Variants in WDR75 observed in about 807,000 individuals in gnomAD.
The protein encoded by WDR75 is WD repeat domain 75.
WDR75 carries 52 observed loss-of-function variants against 106.1 expected under a neutral mutation model. The ratio of observed to expected loss-of-function variants is 0.49; its 90% CI spans 0.39 to 0.62. The LOEUF is 0.62. Among genes scored for constraint, WDR75 ranks in the 20% least tolerant of loss-of-function variants. The pLI is 0.00. For missense variants in WDR75, 905 were observed against 970.3 expected, an observed-to-expected ratio of 0.93 and a Z score of 0.89; for synonymous variants, 333 against 335.5, an observed-to-expected ratio of 0.99 and a Z score of 0.08.
Position 189,467,657 on chromosome 2 carries a change from A to G in WDR75, c.1628+9A>G. On this transcript the variant is annotated intron_variant, in intron 14 of 20. Coordinates refer to ENST00000314761, the MANE Select transcript of WDR75 (RefSeq NM_032168.3). ...CGAGCTGGGAAAATAAGGTAGGTAAATCTTCGGGAAGTATGTAGTACTATT... is the reference window on the plus strand; with the variant it reads ...CGAGCTGGGAAAATAAGGTAGGTAAGTCTTCGGGAAGTATGTAGTACTATT... 1.3e-6 allele frequency: 2 copies of G among 1,587,828 alleles called. No individual in the cohort carries two copies. Among genetic ancestry groups the G allele is most frequent in the Non-Finnish European group, 1.7e-6 (2 of 1,167,130 alleles).
intron 4 of WDR75, 68 bp from the exon 5 acceptor site, chr2:189,455,252 A>T: frequency 1.3e-6 from 2 of 1,545,826 alleles, no homozygotes; most frequent in South Asian, 1.2e-5. Context: ...AAAAAAAAAG[A>T]ATAAATTCCT....
chr2:189,461,085 CTACA>C (rs1280486138), intron 8 of WDR75, among the ~76,000 whole-genome samples: 1 of 152,196 alleles, frequency 6.6e-6, no homozygotes, highest in African/African-American at 2.4e-5. Context: ...TACATCACAA[CTACA>C]TACCTTTAGT....
chr2:189,470,363 C>G, intron 17 of WDR75, 118 bp downstream of exon 17: 1 of 1,173,962 alleles, frequency 8.5e-7, no homozygotes, highest in Non-Finnish European at 1.2e-6. Context: ...GGATTATTTC[C>G]CAAAAAATTG....
At chr2:189,460,638 G>C (rs1259473878) in intron 8 of WDR75, among the ~76,000 whole-genome samples, 1 of 133,264 alleles carries the variant, frequency 7.5e-6, no homozygotes, top group Non-Finnish European at 1.6e-5. Flanking sequence ...CTAAGTAGCT[G>C]GGACTACAGG....
chr2:189,462,723 G>A (rs1686921753), intron 9 of WDR75, 81 bp downstream of exon 9: 6 of 1,343,740 alleles, frequency 4.5e-6, no homozygotes, highest in Non-Finnish European at 6.1e-6. Flanking sequence ...AGAATAAAGA[G>A]ACCTAAAACT....
intron 11 of WDR75, 198 bp downstream of exon 11, chr2:189,464,159 A>T: frequency 1.7e-6 from 1 of 575,650 alleles, no homozygotes; most frequent in Non-Finnish European, 3.1e-6. Flanking sequence ...CATGTAAGCC[A>T]GTTGGCACTC....
chr2:189,454,737 A>T (rs997669116), intron 4 of WDR75, among the ~76,000 whole-genome samples: 11 of 151,852 alleles, frequency 7.2e-5, no homozygotes, highest in African/African-American at 2.7e-4. Context: ...GTTAGCCAGG[A>T]TGGTCTCGAT....
At chr2:189,466,320 C>A in intron 12 of WDR75, 105 bp from the exon 13 acceptor site, 1 of 1,227,416 alleles carries the variant, frequency 8.1e-7, no homozygotes, top group Non-Finnish European at 1.2e-6. Context: ...TTATCAGTTG[C>A]CTGTTGTTCA....
rs149271440 is a variant in WDR75, at chr2:189,466,865, A to C, written c.1447+283A>C. ...AAGAGTCCTTTCACTCCTCCACTAGAGGGAGGTCAAGGTCTCCAGGAGAGG... is the reference window on the plus strand; with the variant it reads ...AAGAGTCCTTTCACTCCTCCACTAGCGGGAGGTCAAGGTCTCCAGGAGAGG... On this transcript the variant is annotated intron_variant, in intron 13 of 20. Transcript: ENST00000314761. Among the ~76,000 whole-genome samples the C allele has an allele frequency of 6.5e-3, 989 of 152,270 alleles. 13 individuals are homozygous for C. The highest frequency in any genetic ancestry group is 7.8e-3 in the Non-Finnish European group (533 of 68,010).
intron 8 of WDR75, among the ~76,000 whole-genome samples, chr2:189,459,720 G>A (rs562851012): frequency 1.3e-5 from 2 of 152,130 alleles, no homozygotes; most frequent in African/African-American, 2.4e-5. Flanking sequence ...AGTGTGTGTG[G>A]TCCATAACTG....
intron 19 of WDR75, 146 bp downstream of exon 19, chr2:189,474,478 A>AC (rs1043514958): frequency 1.1e-4 from 112 of 1,059,424 alleles, no homozygotes; most frequent in Non-Finnish European, 1.4e-4. Context: ...GAGTAACTTA[A>AC]CCTTGTGATC....
intron 11 of WDR75, 42 bp from the exon 12 acceptor site, chr2:189,465,037 G>A (rs376228938): frequency 7.2e-6 from 10 of 1,386,110 alleles, no homozygotes; most frequent in East Asian, 4.7e-5. Context: ...GTGTATTTAT[G>A]TTAATAAACA....
chr2:189,466,433 T>C lies in WDR75; in HGVS notation c.1298T>C (p.Leu433Pro). The stretch of plus-strand genomic sequence containing the variant: ...GGTTTCCTTCCCGCTAGGTTTATTC[T>C]TAACACTAAAATTAACATGCCACAC... ...MYNKKTQGFI[L>P]NTKINMPHED... Residue 433 changes from leucine (L) to proline (P), a missense_variant, in exon 13 of 21, where the codon CTT becomes CCT. Transcript: ENST00000314761. 1 of 1,612,588 alleles carries C rather than the reference T, an allele frequency of 6.2e-7. No individual in the cohort carries two copies. Among genetic ancestry groups the C allele is most frequent in the South Asian group, 1.1e-5 (1 of 90,962 alleles).
intron 4 of WDR75, among the ~76,000 whole-genome samples, chr2:189,453,153 G>C (rs533460916): frequency 1.3e-5 from 2 of 152,274 alleles, no homozygotes; most frequent in East Asian, 1.9e-4. Context: ...AAGTCATCTT[G>C]CCAGATGACT....
At chr2:189,458,641 C>T in intron 6 of WDR75, 112 bp from the exon 7 acceptor site, 1 of 868,976 alleles carries the variant, frequency 1.2e-6, no homozygotes, top group Non-Finnish European at 1.6e-6. Flanking sequence ...TTATTGAATT[C>T]TGAGCTCTAC....
chr2:189,464,004 T>C (rs1686951733), intron 11 of WDR75, 43 bp downstream of exon 11: 1 of 1,539,374 alleles, frequency 6.5e-7, no homozygotes, highest in Non-Finnish European at 9.0e-7. Flanking sequence ...GAAAGCTCTT[T>C]ACAGTACCAC....
rs577263516 is a variant in WDR75 at position 189,443,665 on chromosome 2, T to C, written c.86+2087T>C. Reference sequence around the variant, plus strand: ...GTTACATAGTCAGTTTTACCTTCAGTAGTGGTTCTTGCAGCAATGGCAAGA... The same window carrying C: ...GTTACATAGTCAGTTTTACCTTCAGCAGTGGTTCTTGCAGCAATGGCAAGA... On this transcript the variant is annotated intron_variant, in intron 1 of 20. Transcript: ENST00000314761. Among the ~76,000 whole-genome samples the C allele has an allele frequency of 7.9e-5, 12 of 152,100 alleles. No homozygotes were observed. In the South Asian group the frequency reaches 1.2e-3, roughly 16 times the overall value.
intron 11 of WDR75, among the ~76,000 whole-genome samples, chr2:189,464,435 A>T (rs531184566): frequency 4.3e-4 from 66 of 152,172 alleles, no homozygotes; most frequent in African/African-American, 1.5e-3. Flanking sequence ...CTCTTTACAG[A>T]TCTCTGTCAT....
Position 189,450,975 on chromosome 2 carries a change from G to A in WDR75, c.282+7G>A, listed in dbSNP as rs373310728. The A allele has an allele frequency of 5.3e-4, 840 of 1,597,180 alleles. No individual in the cohort carries two copies. Among genetic ancestry groups the A allele is most frequent in the Non-Finnish European group, 6.8e-4 (803 of 1,175,936 alleles). ...AGATGGCATCTTAATAAAGGTATGTGGATTGATCTTTACTTTTCGTTATGT... is the reference window on the plus strand; with the variant it reads ...AGATGGCATCTTAATAAAGGTATGTAGATTGATCTTTACTTTTCGTTATGT... On this transcript the variant is annotated splice_region_variant and intron_variant, in intron 3 of 20. Coordinates refer to ENST00000314761, the MANE Select transcript of WDR75 (RefSeq NM_032168.3).
Sources: allele counts gnomAD v4.1 joint callset (sites outside exome capture counted in the v4.1 genomes callset), GRCh38; gene constraint gnomAD v4.1.1; transcripts MANE v1.5; gene names NCBI Gene and HGNC (gene_info 2026-07-23, HGNC 2026-07-21).